FGF12: variants seen among roughly 807,000 people sequenced by gnomAD.
FGF12 encodes the protein fibroblast growth factor 12, also known as fibroblast growth factor 12B.
A neutral mutation model predicts 23.6 loss-of-function variants in FGF12; 14 were observed. The observed-to-expected ratio is 0.59, with a 90% CI of 0.39 to 0.93. The LOEUF (loss-of-function observed/expected upper bound fraction) is 0.93, where lower values mean the gene tolerates loss of function less well. FGF12 is among the 40% of genes least tolerant of loss of function. The probability of loss-of-function intolerance (pLI) is 0.00; values close to 1 mark genes in which losing one functional copy is unlikely to be tolerated. For missense variants in FGF12, 175 were observed against 217.8 expected, an observed-to-expected ratio of 0.80 and a Z score of 1.24; for synonymous variants, 62 against 77.3, an observed-to-expected ratio of 0.80 and a Z score of 1.04.
intron 4 of FGF12, chr3:192,238,719 T>C (rs999214977): frequency 1.3e-5 from 2 of 152,214 alleles, no homozygotes; most frequent in African/African-American, 2.4e-5. Flanking sequence ...TGTATATTGC[T>C]CTTTCCATCA....
chr3:192,702,594 A>G (rs946994461), intron 2 of FGF12, among the ~76,000 whole-genome samples: 1 of 152,128 alleles, frequency 6.6e-6, no homozygotes, highest in Non-Finnish European at 1.5e-5. Context: ...GGAGTTTAAG[A>G]TCAGCCTGGG....
rs534976482 is a variant in FGF12 at position 192,158,915 on chromosome 3, C to T, written c.427+11543G>A. On this transcript the variant is annotated intron_variant, in intron 5 of 5. Transcript: ENST00000445105. ...GTGCAGTTCTTACCTAAATCTAGAG[C>T]GCCATGGTGCACTCAGTCCCAGCCC... Among the ~76,000 whole-genome samples, 3 of 152,062 alleles carry T rather than the reference C, an allele frequency of 2.0e-5. No individual in the cohort carries two copies. In the East Asian group the frequency reaches 5.8e-4, roughly 30 times the overall value.
At chr3:192,677,888 C>A (rs1410125449) in intron 2 of FGF12, among the ~76,000 whole-genome samples, 1 of 152,206 alleles carries the variant, frequency 6.6e-6, no homozygotes, top group Non-Finnish European at 1.5e-5. Context: ...AGAGGAAACA[C>A]TGGAGTCATT....
chr3:192,690,835 A>G (rs1213956839), intron 2 of FGF12, among the ~76,000 whole-genome samples: 1 of 152,022 alleles, frequency 6.6e-6, no homozygotes, highest in Non-Finnish European at 1.5e-5. Flanking sequence ...AAGAACATAC[A>G]CAGACTGAAG....
At chr3:192,512,859 T>TATATATATATATAA (rs376386122) in intron 2 of FGF12, among the ~76,000 whole-genome samples, 11,396 of 57,020 alleles carry the variant, frequency 0.2, 1,679 homozygotes, top group East Asian at 0.37. Context: ...TATATATATA[T>TATATATATATATAA]AACAGGCTAT....
chr3:192,497,845 T>C (rs1724008635), intron 2 of FGF12, among the ~76,000 whole-genome samples: 1 of 152,258 alleles, frequency 6.6e-6, no homozygotes, highest in African/African-American at 2.4e-5. Flanking sequence ...CCTGACATTC[T>C]ATTATACACA....
At chr3:192,519,355 T>C (rs1354045876) in intron 2 of FGF12, among the ~76,000 whole-genome samples, 3 of 152,226 alleles carry the variant, frequency 2.0e-5, no homozygotes, top group Non-Finnish European at 4.4e-5. Flanking sequence ...AATTTGGATT[T>C]GTCCAATGTC....
chr3:192,210,885 G>A (rs939189054), intron 4 of FGF12, among the ~76,000 whole-genome samples: 1 of 152,216 alleles, frequency 6.6e-6, no homozygotes, highest in Non-Finnish European at 1.5e-5. Flanking sequence ...ACCAAAGACA[G>A]TGATGAGGCC....
At chr3:192,381,596 C>T (rs1367600798) in intron 2 of FGF12, among the ~76,000 whole-genome samples, 2 of 152,170 alleles carry the variant, frequency 1.3e-5, no homozygotes, top group African/African-American at 4.8e-5. Flanking sequence ...GGATAAACCT[C>T]ACCAAACCCT....
rs1718656437 is a variant in FGF12, at chr3:192,360,211, C to T, written c.124+217G>A. 6.6e-6 allele frequency among the ~76,000 whole-genome samples: 1 copy of T among 152,102 alleles called. No homozygotes were observed. The highest frequency in any genetic ancestry group is 2.1e-4 in the South Asian group (1 of 4,824). The stretch of plus-strand genomic sequence containing the variant: ...TTGCCCATTGACCAAATGGACAAGC[C>T]TCTTACCTTCTCTTAAGTGCATAAC... On this transcript the variant is annotated intron_variant, in intron 3 of 5. Coordinates refer to ENST00000445105, the MANE Select transcript of FGF12 (RefSeq NM_004113.6). The surrounding 1 kb of genome is among the most constrained non-coding windows in gnomAD (Gnocchi z 4.3).
At chr3:192,723,405 GTCAT>G (rs1353502076) in intron 2 of FGF12, among the ~76,000 whole-genome samples, 1 of 151,566 alleles carries the variant, frequency 6.6e-6, no homozygotes, top group Non-Finnish European at 1.5e-5. Flanking sequence ...CTGGAGTGGT[GTCAT>G]TCATTCTCAG....
At chr3:192,163,380 A>C (rs893395352) in intron 5 of FGF12, among the ~76,000 whole-genome samples, 2 of 152,152 alleles carry the variant, frequency 1.3e-5, no homozygotes, top group Non-Finnish European at 2.9e-5. Flanking sequence ...ACCTGTCTTG[A>C]TAGTAGTAGG....
chr3:192,455,933 C>G (rs1197034036), intron 2 of FGF12, among the ~76,000 whole-genome samples: 1 of 152,162 alleles, frequency 6.6e-6, no homozygotes, highest in East Asian at 1.9e-4. Flanking sequence ...TCATGGGATG[C>G]TCAAGACAGA....
chr3:192,521,776 G>A (rs1724819591), intron 2 of FGF12, among the ~76,000 whole-genome samples: 1 of 151,966 alleles, frequency 6.6e-6, no homozygotes, highest in Non-Finnish European at 1.5e-5. Context: ...TCTATTATAG[G>A]ATTTATTTTA....
chr3:192,549,611 T>C (rs1725581846), intron 2 of FGF12, among the ~76,000 whole-genome samples: 2 of 152,102 alleles, frequency 1.3e-5, no homozygotes, highest in African/African-American at 2.4e-5. Context: ...TGGGTATGAC[T>C]ATAGGGTGTT....
intron 2 of FGF12, among the ~76,000 whole-genome samples, chr3:192,610,393 C>A (rs894474563): frequency 3.7e-4 from 57 of 152,140 alleles, no homozygotes; most frequent in African/African-American, 9.1e-4. Context: ...TGATGTATAT[C>A]CAGGGAGGAA....
intron 4 of FGF12, among the ~76,000 whole-genome samples, chr3:192,317,172 A>T (rs1234637235): frequency 7.9e-6 from 1 of 125,886 alleles, no homozygotes; most frequent in Non-Finnish European, 1.8e-5. Context: ...TGGCTATAGG[A>T]AGAGACTCCT....
intron 4 of FGF12, among the ~76,000 whole-genome samples, chr3:192,172,075 G>A (rs1403101858): frequency 1.3e-5 from 2 of 151,840 alleles, no homozygotes; most frequent in East Asian, 1.9e-4. Context: ...CATTATAGAC[G>A]AAGAAAAATG....
At chr3:192,623,150 TG>T (rs1230534580) in intron 2 of FGF12, among the ~76,000 whole-genome samples, 5 of 152,208 alleles carry the variant, frequency 3.3e-5, no homozygotes, top group South Asian at 4.1e-4. Flanking sequence ...ACATGGTCTT[TG>T]TCCTCTGTTT....
Sources: allele counts gnomAD v4.1 joint callset (sites outside exome capture counted in the v4.1 genomes callset), GRCh38; gene constraint gnomAD v4.1.1; non-coding constraint Gnocchi (gnomAD v3.1); transcripts MANE v1.5; gene names NCBI Gene and HGNC (gene_info 2026-07-23, HGNC 2026-07-21).